The following CACNA1E variants were observed in gnomAD, a reference collection of about 807,000 sequenced individuals.
CACNA1E encodes the protein calcium voltage-gated channel subunit alpha1 E, also known as voltage-dependent R-type calcium channel subunit alpha-1E.
Under a neutral mutation model 259.2 loss-of-function variants are expected in CACNA1E, and 40 were observed. That is an observed-to-expected ratio of 0.15 (90% confidence interval 0.12 to 0.20). CACNA1E has a LOEUF of 0.20. Ranked by LOEUF, CACNA1E falls within the 10% of genes least tolerant of loss-of-function variation. CACNA1E has a pLI of 1.00. For synonymous variants in CACNA1E, 1,104 were observed against 1,138.5 expected (o/e 0.97, Z 0.61); for missense variants, 1,874 against 3,040.1 (o/e 0.62, Z 9.02).
intron 1 of CACNA1E, among the ~76,000 whole-genome samples, chr1:181,366,004 C>T (rs952835062): frequency 1.3e-5 from 2 of 152,072 alleles, no homozygotes; most frequent in African/African-American, 4.8e-5. Flanking sequence ...CAAAGGCCTG[C>T]CAGAGCCTGT....
At chr1:181,775,697 G>A (rs1010667165) in intron 37 of CACNA1E, among the ~76,000 whole-genome samples, 1 of 152,176 alleles carries the variant, frequency 6.6e-6, no homozygotes, top group Non-Finnish European at 1.5e-5. Context: ...GTTTCATGAC[G>A]TGGAATTACA....
chr1:181,785,170 C>T (rs1660749968), intron 41 of CACNA1E, 148 bp from the exon 42 acceptor site: 2 of 644,522 alleles, frequency 3.1e-6, no homozygotes, highest in Non-Finnish European at 5.7e-6. Context: ...CAGATCCTGG[C>T]ACCATGGGGG....
Position 181,766,144 on chromosome 1 carries a change from G to T in CACNA1E, c.4816-402G>T, listed in dbSNP as rs920368518. Among the ~76,000 whole-genome samples the T allele has an allele frequency of 6.6e-5, 10 of 152,178 alleles. 1 individual carries two copies. The highest frequency in any genetic ancestry group is 4.6e-4 in the Admixed American group (7 of 15,290). ...ACTTTGGGTATGGGAGTGGGAGGGGGTAATACAGGGATTTGGAAGCCAAAG... is the reference window on the plus strand; with the variant it reads ...ACTTTGGGTATGGGAGTGGGAGGGGTTAATACAGGGATTTGGAAGCCAAAG... On this transcript the variant is annotated intron_variant, in intron 34 of 47. Coordinates refer to ENST00000367573, the MANE Select transcript of CACNA1E (RefSeq NM_001205293.3).
At chr1:181,391,504 C>T (rs1224793740) in intron 1 of CACNA1E, among the ~76,000 whole-genome samples, 3 of 152,036 alleles carry the variant, frequency 2.0e-5, no homozygotes, top group Admixed American at 2.0e-4. Context: ...TGAGTCCTGC[C>T]TGGGGGTAGC....
rs764871145 is a variant in CACNA1E at position 181,798,313 on chromosome 1, A to T, written c.6421A>T (p.Ser2141Cys). The change falls in exon 48 of 48, where the codon AGC becomes TGC. Residue 2141 changes from serine to cysteine, a missense_variant. Transcript: ENST00000367573. The surrounding 1 kb of genome is among the most constrained non-coding windows in gnomAD (Gnocchi z 4.2). ...NRQGTGSLSESSIPSVSDTST... is the reference protein window; with the variant it reads ...NRQGTGSLSECSIPSVSDTST... The stretch of plus-strand genomic sequence containing the variant: ...ACAGGGCACAGGTTCCCTAAGTGAG[A>T]GCTCCATCCCCTCTGTCTCTGACAC... The T allele has an allele frequency of 6.3e-7, 1 of 1,598,198 alleles. No homozygotes were observed. The highest frequency in any genetic ancestry group is 1.7e-5 in the Admixed American group (1 of 59,840).
chr1:181,676,491 T>C (rs1649390864), intron 7 of CACNA1E, among the ~76,000 whole-genome samples: 1 of 152,078 alleles, frequency 6.6e-6, no homozygotes, highest in South Asian at 2.1e-4. Context: ...GCTTGTTTGA[T>C]ATTGTTGCCC....
At chr1:181,521,166 C>G (rs1666967303) in intron 3 of CACNA1E, among the ~76,000 whole-genome samples, 1 of 152,210 alleles carries the variant, frequency 6.6e-6, no homozygotes, top group Admixed American at 6.5e-5. Flanking sequence ...AGCACTGGAA[C>G]AGTGACTAGG....
At chr1:181,576,902 A>T (rs549190827) in intron 3 of CACNA1E, among the ~76,000 whole-genome samples, 1 of 152,170 alleles carries the variant, frequency 6.6e-6, no homozygotes, top group South Asian at 2.1e-4. Flanking sequence ...TATTTTAGAG[A>T]TGACAGAAGT....
At chr1:181,639,812 A>G (rs1657586991) in intron 6 of CACNA1E, among the ~76,000 whole-genome samples, 1 of 152,214 alleles carries the variant, frequency 6.6e-6, no homozygotes, top group African/African-American at 2.4e-5. Context: ...GAAAACCAAG[A>G]TGAATTTCTA....
chr1:181,470,056 A>T (rs574625068), intron 2 of CACNA1E, among the ~76,000 whole-genome samples: 116 of 151,462 alleles, frequency 7.7e-4, no homozygotes, highest in Middle Eastern at 3.4e-3. Context: ...AGAGAGAGTG[A>T]GAGAGAGAGA....
intron 6 of CACNA1E, among the ~76,000 whole-genome samples, chr1:181,640,591 G>A (rs2101997655): frequency 6.6e-6 from 1 of 152,286 alleles, no homozygotes; most frequent in Admixed American, 6.5e-5. Flanking sequence ...TTCGCCTTCT[G>A]CTCAGAATTC....
intron 1 of CACNA1E, among the ~76,000 whole-genome samples, chr1:181,340,524 TA>T (rs1199619229): frequency 6.6e-6 from 1 of 152,212 alleles, no homozygotes; most frequent in Non-Finnish European, 1.5e-5. Context: ...CTTTATGATA[TA>T]AAATTTCTTT....
chr1:181,552,441 C>CT (rs60645286), intron 3 of CACNA1E, among the ~76,000 whole-genome samples: 5,569 of 150,986 alleles, frequency 0.037, 323 homozygotes, highest in African/African-American at 0.13. Flanking sequence ...GTATTCATAG[C>CT]TTTTTTTTTC....
chr1:181,535,528 A>G (rs72731269), intron 3 of CACNA1E, among the ~76,000 whole-genome samples: 12,624 of 152,172 alleles, frequency 0.083, 638 homozygotes, highest in South Asian at 0.25. Flanking sequence ...ATATGTATAA[A>G]TGTAAATTAC....
At chr1:181,624,725 T>C (rs956807339) in intron 6 of CACNA1E, among the ~76,000 whole-genome samples, 1 of 152,236 alleles carries the variant, frequency 6.6e-6, no homozygotes, top group African/African-American at 2.4e-5. Context: ...GAGTCAACTT[T>C]GTTCAAATGT....
In CACNA1E at chr1:181,770,814, AATTGCAGGGTGGC is replaced by A. The variant is rs1446604035; in HGVS notation, c.4882-476_4882-464del. ...CACTCTCTAACCTGATCTGCTTGTA[AATTGCAGGGTGGC>A]ATCTGCCCAAGCCATAAATGATGTC... On this transcript the variant is annotated intron_variant, in intron 35 of 47. Coordinates refer to ENST00000367573, the MANE Select transcript of CACNA1E (RefSeq NM_001205293.3). Among the ~76,000 whole-genome samples the A allele has an allele frequency of 5.9e-5, 9 of 152,260 alleles. No individual in the cohort carries two copies. In the East Asian group the frequency reaches 1.4e-3, roughly 23 times the overall value.
intron 7 of CACNA1E, among the ~76,000 whole-genome samples, chr1:181,671,909 C>T (rs1648841970): frequency 6.6e-6 from 1 of 152,182 alleles, no homozygotes; most frequent in Non-Finnish European, 1.5e-5. Context: ...GAATATAAAT[C>T]ATTCTACTGT....
intron 7 of CACNA1E, among the ~76,000 whole-genome samples, chr1:181,700,130 G>A (rs1320826437): frequency 2.0e-5 from 3 of 152,138 alleles, no homozygotes; most frequent in Admixed American, 1.3e-4. Flanking sequence ...CCAATGTCTA[G>A]AGGAGGAGTG....
At chr1:181,443,413 G>A (rs1170516206) in intron 2 of CACNA1E, among the ~76,000 whole-genome samples, 5 of 152,330 alleles carry the variant, frequency 3.3e-5, no homozygotes, top group Admixed American at 6.5e-5. Context: ...TCCCCATGGC[G>A]ATAAGAGATC....
Sources: gnomAD v4.1 joint callset for allele counts (sites outside exome capture counted in the v4.1 genomes callset) on GRCh38, gnomAD v4.1.1 for gene constraint, Gnocchi (gnomAD v3.1) non-coding constraint, MANE v1.5 for transcripts, NCBI Gene and HGNC (gene_info 2026-07-23, HGNC 2026-07-21) for gene names.